ENPP3: variants seen among roughly 807,000 people sequenced by gnomAD.
The protein encoded by ENPP3 is ectonucleotide pyrophosphatase/phosphodiesterase 3.
A neutral mutation model predicts 117.8 loss-of-function variants in ENPP3; 104 were observed. The observed-to-expected ratio is 0.88, with a 90% confidence interval of 0.75 to 1.04. The LOEUF is 1.04. ENPP3 is among the 50% of genes least tolerant of loss of function. The pLI is 0.00. For missense variants in ENPP3, 1,026 were observed against 1,051.9 expected (o/e 0.98, Z 0.34); for synonymous variants, 380 against 349.9 (o/e 1.09, Z -0.96).
chr6:131,706,626 T>C (rs1202904257), intron 15 of ENPP3, among the ~76,000 whole-genome samples: 3 of 150,270 alleles, frequency 2.0e-5, no homozygotes, highest in African/African-American at 7.5e-5. Flanking sequence ...TATTCCTGCT[T>C]TATAGAGAGC....
intron 20 of ENPP3, among the ~76,000 whole-genome samples, chr6:131,732,047 A>G (rs1179116982): frequency 1.3e-5 from 2 of 152,218 alleles, no homozygotes; most frequent in Non-Finnish European, 1.5e-5. Flanking sequence ...CATACAGTGT[A>G]TGTTGCCTCT....
intron 6 of ENPP3, among the ~76,000 whole-genome samples, chr6:131,664,073 ACTT>A (rs1778564917): frequency 6.6e-6 from 1 of 152,146 alleles, no homozygotes; most frequent in African/African-American, 2.4e-5. Flanking sequence ...GTGTACTACT[ACTT>A]ATTTAAAAAT....
At chr6:131,647,235 A>G (rs1411038693) in intron 2 of ENPP3, among the ~76,000 whole-genome samples, 2 of 152,200 alleles carry the variant, frequency 1.3e-5, no homozygotes, top group African/African-American at 2.4e-5. Context: ...TTTTCAAATA[A>G]TAACGTAAGC....
At chr6:131,674,359 TG>T in intron 8 of ENPP3, 78 bp downstream of exon 8, 1 of 1,395,028 alleles carries the variant, frequency 7.2e-7, no homozygotes, top group Non-Finnish European at 1.0e-6. Flanking sequence ...TCTCACTCAG[TG>T]GAGCAAGTTC....
chr6:131,648,212 G>A (rs1410806770), intron 2 of ENPP3, among the ~76,000 whole-genome samples: 1 of 151,376 alleles, frequency 6.6e-6, no homozygotes, highest in Non-Finnish European at 1.5e-5. Flanking sequence ...TCAAACTATA[G>A]TAGGATGAAT....
intron 15 of ENPP3, chr6:131,709,752 C>A (rs1404787246): frequency 3.1e-6 from 5 of 1,613,862 alleles, no homozygotes; most frequent in Admixed American, 3.3e-5. Context: ...CATGGCTGAT[C>A]TTTTCTTCCA....
intron 11 of ENPP3, among the ~76,000 whole-genome samples, chr6:131,682,068 GGT>G (rs945123798): frequency 6.6e-6 from 1 of 152,038 alleles, no homozygotes; most frequent in African/African-American, 2.4e-5. Context: ...CCTGACTTCA[GGT>G]GATCCACCTG....
chr6:131,679,302 C>T (rs1778971105), intron 11 of ENPP3, among the ~76,000 whole-genome samples: 1 of 151,812 alleles, frequency 6.6e-6, no homozygotes, highest in Non-Finnish European at 1.5e-5. Context: ...ACCATTTTGG[C>T]CAGGATGGTC....
intron 14 of ENPP3, among the ~76,000 whole-genome samples, chr6:131,688,654 C>A (rs1779208158): frequency 6.6e-6 from 1 of 152,120 alleles, no homozygotes; most frequent in South Asian, 2.1e-4. Context: ...TAATTCAGAG[C>A]AAGACGCTAA....
chr6:131,648,314 G>A (rs1348073561), intron 2 of ENPP3, among the ~76,000 whole-genome samples: 1 of 151,762 alleles, frequency 6.6e-6, no homozygotes, highest in Non-Finnish European at 1.5e-5. Context: ...TTTTGAAAAT[G>A]AGTATTCTAA....
chr6:131,665,978 T>C (rs1778608074), intron 6 of ENPP3, among the ~76,000 whole-genome samples: 1 of 152,190 alleles, frequency 6.6e-6, no homozygotes, highest in African/African-American at 2.4e-5. Flanking sequence ...TGTTCAAAAG[T>C]GTGTTACATA....
chr6:131,641,838 C>CT (rs761236216), intron 2 of ENPP3, among the ~76,000 whole-genome samples: 1 of 82,422 alleles, frequency 1.2e-5, no homozygotes, highest in East Asian at 6.6e-4. Context: ...AGATCTCACT[C>CT]TGTCTCTCAG....
Position 131,641,496 on chromosome 6 carries a change from C to A in ENPP3, c.120C>A (p.Gly40=), listed in dbSNP as rs781078677. 6.2e-7 allele frequency: 1 copy of A among 1,611,808 alleles called. No homozygotes were observed. Among genetic ancestry groups the A allele is most frequent in the East Asian group, 2.2e-5 (1 of 44,850 alleles). Residue 40 remains glycine (G), a synonymous_variant, in exon 2 of 25, where the codon GGC becomes GGA. Coordinates refer to ENST00000357639, the MANE Select transcript of ENPP3 (RefSeq NM_005021.5). ...TGGTGATCATGTCACTTGGATTAGG[C>A]CTGGGGCTTGGACTCAGGAAACTGG... is the stretch of plus-strand genomic sequence containing the variant. The part of the protein sequence containing the change: ...ALLVIMSLGL[G]LGLGLRKLEK...
intron 11 of ENPP3, among the ~76,000 whole-genome samples, chr6:131,678,680 C>T (rs1778925083): frequency 6.6e-6 from 1 of 152,218 alleles, no homozygotes. Context: ...GGCAGCATGC[C>T]TTTGCAATTT....
intron 15 of ENPP3, among the ~76,000 whole-genome samples, chr6:131,716,534 C>G (rs928551451): frequency 2.0e-5 from 3 of 151,272 alleles, no homozygotes; most frequent in African/African-American, 7.3e-5. Context: ...GTCAAAAAAC[C>G]TTTTTCTTTC....
At chr6:131,680,310 T>C (rs1259726557) in intron 11 of ENPP3, among the ~76,000 whole-genome samples, 1 of 152,170 alleles carries the variant, frequency 6.6e-6, no homozygotes, top group Non-Finnish European at 1.5e-5. Context: ...ATTGATTTCC[T>C]AGTTTCTATC....
intron 18 of ENPP3, among the ~76,000 whole-genome samples, 172 bp downstream of exon 18, chr6:131,722,577 A>C (rs1318163601): frequency 4.6e-5 from 7 of 152,230 alleles, no homozygotes; most frequent in Admixed American, 3.9e-4. Flanking sequence ...GTGAGAATGC[A>C]TACATTGTAA....
intron 14 of ENPP3, among the ~76,000 whole-genome samples, chr6:131,690,867 A>G (rs549404966): frequency 6.6e-6 from 1 of 152,162 alleles, no homozygotes; most frequent in South Asian, 2.1e-4. Flanking sequence ...CAATGTGTTC[A>G]TGCTGAGTGG....
chr6:131,736,560 TGG>T (rs926929246), intron 21 of ENPP3, among the ~76,000 whole-genome samples: 1 of 152,172 alleles, frequency 6.6e-6, no homozygotes, highest in East Asian at 1.9e-4. Flanking sequence ...CCACAGCACG[TGG>T]GAATTATAGG....
Sources: gnomAD v4.1 joint callset for allele counts (sites outside exome capture counted in the v4.1 genomes callset) on GRCh38, gnomAD v4.1.1 for gene constraint, MANE v1.5 for transcripts, NCBI Gene and HGNC (gene_info 2026-07-23, HGNC 2026-07-21) for gene names.